The following DHX57 variants were observed in gnomAD, a reference collection of about 807,000 sequenced individuals.
DHX57 encodes putative ATP-dependent RNA helicase DHX57.
DHX57 carries 105 observed loss-of-function variants against 156.2 expected under a neutral mutation model. The ratio of observed to expected loss-of-function variants is 0.67; its 90% CI spans 0.57 to 0.79. DHX57 has a LOEUF of 0.79. DHX57 is among the 30% of genes least tolerant of loss of function. The pLI is 0.00. For synonymous variants in DHX57, 704 were observed against 595.6 expected, an observed-to-expected ratio of 1.18 and a Z score of -2.65; for missense variants, 1,847 against 1,661.9, an observed-to-expected ratio of 1.11 and a Z score of -1.94.
chr2:38,811,672 G>A, intron 21 of DHX57: 1 of 1,106,482 alleles, frequency 9.0e-7, no homozygotes, highest in South Asian at 1.3e-5. Context: ...GGGATTGGAG[G>A]TGCAATTCCT....
intron 6 of DHX57, 134 bp downstream of exon 6, chr2:38,858,527 G>A (rs1558399632): frequency 8.2e-7 from 1 of 1,223,876 alleles, no homozygotes; most frequent in Non-Finnish European, 1.1e-6. Context: ...GCTGTGGCCT[G>A]TAGAAACTTT....
chr2:38,832,660 C>T (rs1401506886), intron 13 of DHX57, among the ~76,000 whole-genome samples: 2 of 151,474 alleles, frequency 1.3e-5, no homozygotes, highest in East Asian at 3.9e-4. Context: ...ACTCTCCTGC[C>T]TCAGCCTCCC....
intron 17 of DHX57, among the ~76,000 whole-genome samples, chr2:38,821,899 A>G (rs1052980927): frequency 2.0e-5 from 3 of 152,176 alleles, no homozygotes; most frequent in African/African-American, 4.8e-5. Context: ...GATAAGTTAG[A>G]CAAAATAAAA....
intron 19 of DHX57, among the ~76,000 whole-genome samples, chr2:38,818,297 T>G (rs1276283156): frequency 6.6e-6 from 1 of 152,012 alleles, no homozygotes; most frequent in Admixed American, 6.6e-5. Flanking sequence ...GTGGCCAAGG[T>G]GGGCGGATCA....
At chr2:38,860,276 C>G (rs1355166991) in intron 5 of DHX57, among the ~76,000 whole-genome samples, 1 of 152,070 alleles carries the variant, frequency 6.6e-6, no homozygotes, top group African/African-American at 2.4e-5. Context: ...ATGGTGAAAC[C>G]CTGTCTTACT....
chr2:38,854,007 C>CT (rs746029606), intron 9 of DHX57, 47 bp downstream of exon 9: 1 of 1,522,688 alleles, frequency 6.6e-7, no homozygotes, highest in South Asian at 1.3e-5. Context: ...TCTGCCATGC[C>CT]TTCAATTCAG....
At chr2:38,873,036 G>A (rs2124956563) in intron 1 of DHX57, among the ~76,000 whole-genome samples, 1 of 151,916 alleles carries the variant, frequency 6.6e-6, no homozygotes, top group East Asian at 1.9e-4. Flanking sequence ...CGCCCAGGCT[G>A]GAGTGCAGTG....
intron 13 of DHX57, 59 bp downstream of exon 13, chr2:38,837,772 A>G (rs1252585869): frequency 1.7e-5 from 18 of 1,064,634 alleles, no homozygotes; most frequent in Admixed American, 1.1e-4. Flanking sequence ...ATAGACTCCC[A>G]TTTAGCCAAG....
chr2:38,851,031 T>C (rs1050483053), intron 9 of DHX57, among the ~76,000 whole-genome samples: 1 of 151,666 alleles, frequency 6.6e-6, no homozygotes, highest in Non-Finnish European at 1.5e-5. Context: ...GAGCTGAGAC[T>C]GCACCACTGC....
intron 13 of DHX57, among the ~76,000 whole-genome samples, chr2:38,830,370 G>A (rs920102526): frequency 1.3e-5 from 2 of 152,196 alleles, no homozygotes; most frequent in Non-Finnish European, 2.9e-5. Flanking sequence ...GCTCAGGCCT[G>A]TAATCCCAGC....
intron 19 of DHX57, chr2:38,816,113 G>A (rs908012765): frequency 8.5e-6 from 4 of 471,394 alleles, no homozygotes; most frequent in South Asian, 1.5e-5. Context: ...AGAGTGGTTC[G>A]TGCTCTCAGT....
chr2:38,854,024 G>A, intron 9 of DHX57, 30 bp downstream of exon 9: 1 of 1,587,544 alleles, frequency 6.3e-7, no homozygotes, highest in Non-Finnish European at 8.6e-7. Flanking sequence ...TCAGGTGAGT[G>A]TGTGTTCCCT....
At chr2:38,798,700 C>T (rs1669513324) in intron 23 of DHX57, among the ~76,000 whole-genome samples, 1 of 152,176 alleles carries the variant, frequency 6.6e-6, no homozygotes, top group African/African-American at 2.4e-5. Context: ...AATCCCAGCA[C>T]TTTGGGAGGC....
At chr2:38,836,488 T>A (rs984261388) in intron 13 of DHX57, among the ~76,000 whole-genome samples, 1 of 152,230 alleles carries the variant, frequency 6.6e-6, no homozygotes, top group Admixed American at 6.5e-5. Flanking sequence ...GAATACAGTA[T>A]GTACACCAGG....
chr2:38,822,174 C>G (rs1044887954), intron 17 of DHX57, among the ~76,000 whole-genome samples: 1 of 152,096 alleles, frequency 6.6e-6, no homozygotes, highest in Non-Finnish European at 1.5e-5. Flanking sequence ...CCTCTGCCTC[C>G]CAGGTTCAAG....
chr2:38,813,890 G>A lies in DHX57; in HGVS notation c.3612C>T (p.Asn1204=), dbSNP rs2148544455. 6.2e-7 allele frequency: 1 copy of A among 1,612,922 alleles called. No homozygotes were observed. Among genetic ancestry groups the A allele is most frequent in the South Asian group, 1.1e-5 (1 of 91,066 alleles). ...GVLDATGEEA[N]SNAENPKLIS... is the part of the protein sequence containing the mutation. ...TCAGCTTGGGGTTCTCAGCATTTGA[G>A]TTTGCCTATGAGAAAAGCACAGCAT... The change falls in exon 21 of 24, where the codon AAC becomes AAT. Residue 1204 remains asparagine (N), a synonymous_variant. Coordinates refer to ENST00000457308, the MANE Select transcript of DHX57 (RefSeq NM_198963.3).
At chr2:38,811,034 G>T (rs907804188) in intron 21 of DHX57, 5 of 676,950 alleles carry the variant, frequency 7.4e-6, no homozygotes, top group African/African-American at 5.3e-5. Context: ...GGGGGCTTTG[G>T]CCAGGTCCTG....
intron 21 of DHX57, 56 bp from the exon 22 acceptor site, chr2:38,806,749 G>T: frequency 1.3e-6 from 2 of 1,521,602 alleles, no homozygotes; most frequent in East Asian, 2.5e-5. Flanking sequence ...CTCATAGAAA[G>T]TATCTCTTGG....
At chr2:38,822,139 C>T (rs1004935964) in intron 17 of DHX57, among the ~76,000 whole-genome samples, 4 of 152,026 alleles carry the variant, frequency 2.6e-5, no homozygotes, top group Admixed American at 1.3e-4. Flanking sequence ...GGCTGGAGTG[C>T]AATGGCGCGA....
Sources: allele counts gnomAD v4.1 joint callset (sites outside exome capture counted in the v4.1 genomes callset), GRCh38; gene constraint gnomAD v4.1.1; transcripts MANE v1.5; gene names NCBI Gene and HGNC (gene_info 2026-07-23, HGNC 2026-07-21).